Variants in PRAMEF4 observed in about 807,000 individuals in gnomAD.
PRAMEF4 encodes PRAME family member 4, also known as RP5-845O24.6.
In PRAMEF4, 18 loss-of-function variants were observed where a neutral mutation model predicts 34.4. The observed-to-expected ratio is 0.52, with a 90% confidence interval of 0.36 to 0.78. PRAMEF4 has a LOEUF of 0.78. Ranked by LOEUF, PRAMEF4 falls within the 30% of genes least tolerant of loss-of-function variation. The pLI, the probability that PRAMEF4 is intolerant of heterozygous loss-of-function variation, is 0.00. For synonymous variants in PRAMEF4, 156 were observed against 219.3 expected (o/e 0.71, Z 2.55); for missense variants, 482 against 569.1 (o/e 0.85, Z 1.56).
Position 12,885,473 on chromosome 1 carries a change from C to T in PRAMEF4, c.-17+674G>A, listed in dbSNP as rs573985807. ...CTTCTGGGCTCAAGTGATTCTCCCA[C>T]ACCAGCCACCCAAATAGCTGGGACT... On this transcript the variant is annotated intron_variant, in intron 1 of 3. Coordinates refer to ENST00000235349, the MANE Select transcript of PRAMEF4 (RefSeq NM_001009611.4). 1.1e-4 allele frequency among the ~76,000 whole-genome samples: 17 copies of T among 148,158 alleles called. 2 individuals are homozygous for T. Among genetic ancestry groups the T allele is most frequent in the African/African-American group, 3.3e-4 (13 of 38,964 alleles).
chr1:12,883,230 C>G lies in PRAMEF4; in HGVS notation c.165G>C (p.Lys55Asn), dbSNP rs764930658. The G allele has an allele frequency of 1.3e-6, 2 of 1,599,250 alleles. No individual in the cohort carries two copies. Among genetic ancestry groups the G allele is most frequent in the Non-Finnish European group, 1.7e-6 (2 of 1,173,116 alleles). ...GGAAGGGCCAGGACTGCACCATCAGCTTCAGGGCCTCACAGCGTCTCCTGC... is the reference window on the plus strand; with the variant it reads ...GGAAGGGCCAGGACTGCACCATCAGGTTCAGGGCCTCACAGCGTCTCCTGC... Reference protein sequence around the residue: ...AFSRRRCEALKLMVQSWPFRR... With the variant: ...AFSRRRCEALNLMVQSWPFRR... Residue 55 changes from lysine to asparagine, a missense_variant, in exon 2 of 4, where the codon AAG (lysine) becomes AAC (asparagine). Coordinates refer to ENST00000235349, the MANE Select transcript of PRAMEF4 (RefSeq NM_001009611.4).
At chr1:12,882,535 CCTCT>C in intron 2 of PRAMEF4, 100 bp from the exon 3 acceptor site, 1 of 1,512,534 alleles carries the variant, frequency 6.6e-7, no homozygotes, top group Non-Finnish European at 8.9e-7. Flanking sequence ...GCTTCTTGTC[CCTCT>C]CTCTGACTTT....
chr1:12,885,345 A>T (rs1167837411), intron 1 of PRAMEF4, among the ~76,000 whole-genome samples: 1 of 149,076 alleles, frequency 6.7e-6, no homozygotes, highest in African/African-American at 2.5e-5. Context: ...AAGGTCAAAG[A>T]TCCTTTTTGA....
intron 1 of PRAMEF4, among the ~76,000 whole-genome samples, chr1:12,885,757 T>A (rs1036268279): frequency 6.8e-6 from 1 of 146,912 alleles, no homozygotes; most frequent in Non-Finnish European, 1.5e-5. Flanking sequence ...TGCACTCCAG[T>A]CTGGGCAACA....
chr1:12,885,696 A>C (rs1640988369), intron 1 of PRAMEF4, among the ~76,000 whole-genome samples: 1 of 146,580 alleles, frequency 6.8e-6, no homozygotes, highest in Non-Finnish European at 1.5e-5. Flanking sequence ...GAGGCATGAG[A>C]ATTGCTTGAA....
At position 12,883,074 on chromosome 1, in the gene PRAMEF4, C is replaced by A. The variant is rs370198268; in HGVS notation, c.293+28G>T. The A allele has an allele frequency of 9.4e-6, 15 of 1,599,246 alleles. 1 individual carries two copies. The highest frequency in any genetic ancestry group is 1.2e-5 in the Non-Finnish European group (14 of 1,173,580). On this transcript the variant is annotated intron_variant, in intron 2 of 3. Transcript: ENST00000235349. ...TCCTTCAGTTGGACACCTGGGCCCTCCCCACCAGCCCACCTGGGCCACCTC... is the reference window on the plus strand; with the variant it reads ...TCCTTCAGTTGGACACCTGGGCCCTACCCACCAGCCCACCTGGGCCACCTC...
Position 12,885,710 on chromosome 1 carries a change from G to A in PRAMEF4, c.-17+437C>T, listed in dbSNP as rs12065954. 1.6e-4 allele frequency among the ~76,000 whole-genome samples: 24 copies of A among 146,480 alleles called. 5 individuals carry two copies. The highest frequency in any genetic ancestry group is 1.6e-3 in the Admixed American group (22 of 14,088). On this transcript the variant is annotated intron_variant, in intron 1 of 3. Transcript: ENST00000235349. ...TGAGGCATGAGAATTGCTTGAACCC[G>A]GGAAGTAAAGGTTGCAGGGAGTTGA...
intron 1 of PRAMEF4, among the ~76,000 whole-genome samples, chr1:12,885,102 TGTATCCGATGATCACCTGG>T (rs1372995981): frequency 6.6e-5 from 10 of 150,964 alleles, no homozygotes; most frequent in African/African-American, 2.2e-4. Context: ...GAAATCTTCA[TGTATCCGATGATCACCTGG>T]GTCATATAAT....
chr1:12,884,812 A>G (rs1180273537), intron 1 of PRAMEF4, among the ~76,000 whole-genome samples: 1 of 150,012 alleles, frequency 6.7e-6, no homozygotes, highest in East Asian at 1.9e-4. Flanking sequence ...ATCGAATTAG[A>G]TATTGATCCA....
chr1:12,880,476 T>G (rs1256539451), intron 3 of PRAMEF4, among the ~76,000 whole-genome samples: 1 of 150,116 alleles, frequency 6.7e-6, no homozygotes, highest in Non-Finnish European at 1.5e-5. Context: ...CTTGGGAAGC[T>G]GAGGCAGAAG....
chr1:12,882,995 T>C (rs1282406428), intron 2 of PRAMEF4, 107 bp downstream of exon 2: 2 of 1,508,134 alleles, frequency 1.3e-6, no homozygotes, highest in Non-Finnish European at 1.8e-6. Flanking sequence ...TCCTCTCGGC[T>C]TCCTCACCAC....
At chr1:12,885,661 A>T (rs541075318) in intron 1 of PRAMEF4, among the ~76,000 whole-genome samples, 1 of 145,676 alleles carries the variant, frequency 6.9e-6, no homozygotes, top group African/African-American at 2.6e-5. Context: ...GATGTCTGTG[A>T]CACCAGCTTC....
chr1:12,879,276 A>C lies in PRAMEF4; in HGVS notation c.*268T>G. ...CCATCCATGCAAGAGTAACTCCCTC[A>C]TGTATTCTCAAGCCTGAATTCCACT... is the stretch of plus-strand genomic sequence containing the variant. On this transcript the variant is annotated 3_prime_UTR_variant, in exon 4 of 4. Coordinates refer to ENST00000235349, the MANE Select transcript of PRAMEF4 (RefSeq NM_001009611.4). 1.9e-6 allele frequency: 1 copy of C among 537,418 alleles called. No homozygotes were observed. Among genetic ancestry groups the C allele is most frequent in the East Asian group, 3.0e-5 (1 of 33,666 alleles). The allele number at this position is 537,418 out of a possible 1,614,324, so 33.3% of individuals were successfully genotyped here. A position where few individuals can be genotyped will look rare whatever the true frequency, so the allele number is the denominator to read the frequency against.
chr1:12,882,015 T>A lies in PRAMEF4; in HGVS notation c.714A>T (p.Lys238Asn). ...PYLGHMRNLQ[K>N]LILSHMDVSR... The stretch of plus-strand genomic sequence containing the variant: ...AGACATCCATGTGGGAGAGAATGAG[T>A]TTCTGAAGATTCCTCATGTGGCCCA... The change falls in exon 3 of 4, where the codon AAA (lysine) becomes AAT (asparagine). Residue 238 changes from lysine (K) to asparagine (N), a missense_variant. Coordinates refer to ENST00000235349, the MANE Select transcript of PRAMEF4 (RefSeq NM_001009611.4). 3.1e-6 allele frequency: 5 copies of A among 1,590,288 alleles called. 1 individual carries two copies. The highest frequency in any genetic ancestry group is 3.5e-5 in the Admixed American group (2 of 57,370).
rs1557640328 is a variant in PRAMEF4 at position 12,882,216 on chromosome 1, TAGA to T, written c.510_512del (p.Leu171del). ...GTAAATCTTTCCTCTGCTTGACCCATAGAAGGAGGCAGGTGAGGTATTCATCCA... is the reference window on the plus strand; with the variant it reads ...GTAAATCTTTCCTCTGCTTGACCCATAGGAGGCAGGTGAGGTATTCATCCA... On this transcript the variant is annotated inframe_deletion, in exon 3 of 4. Transcript: ENST00000235349. The T allele has an allele frequency of 6.4e-7, 1 of 1,559,538 alleles. No homozygotes were observed. Among genetic ancestry groups the T allele is most frequent in the Non-Finnish European group, 8.7e-7 (1 of 1,145,786 alleles).
At position 12,880,057 on chromosome 1, in the gene PRAMEF4, A is replaced by C. The variant is rs770588677; in HGVS notation, c.924T>G (p.Leu308=). 6 of 1,551,836 alleles carry C rather than the reference A, an allele frequency of 3.9e-6. 1 individual carries two copies. In the South Asian group the frequency reaches 5.6e-5, roughly 15 times the overall value. ...LKFLTITNCV[L]LESDLKHLSQ... The stretch of plus-strand genomic sequence containing the variant: ...ATAGATGCTTCAAGTCTGATTCCAA[A>C]AGCACACAGTTAGTTATTGTGAGGA... The change falls in exon 4 of 4, where the codon CTT becomes CTG. Residue 308 remains leucine, a synonymous_variant. Transcript: ENST00000235349.
Position 12,883,200 on chromosome 1 carries a change from G to A in PRAMEF4, c.195C>T (p.Arg65=). 2 of 1,599,578 alleles carry A rather than the reference G, an allele frequency of 1.3e-6. No individual in the cohort carries two copies. Among genetic ancestry groups the A allele is most frequent in the African/African-American group, 1.4e-5 (1 of 73,106 alleles). The change falls in exon 2 of 4, where the codon CGC becomes CGT. Residue 65 remains arginine (R), a synonymous_variant. Coordinates refer to ENST00000235349, the MANE Select transcript of PRAMEF4 (RefSeq NM_001009611.4). ...TCTTTATCAGAGGCCTCAGAGGGAGGCGGCGGAAGGGCCAGGACTGCACCA... is the reference window on the plus strand; with the variant it reads ...TCTTTATCAGAGGCCTCAGAGGGAGACGGCGGAAGGGCCAGGACTGCACCA... ...KLMVQSWPFR[R]LPLRPLIKMP...
chr1:12,881,235 T>C (rs1031503645), intron 3 of PRAMEF4, among the ~76,000 whole-genome samples: 6 of 147,432 alleles, frequency 4.1e-5, no homozygotes, highest in East Asian at 2.0e-4. Context: ...GTGTGGTGGC[T>C]CACGCCTGTA....
At chr1:12,882,671 A>G (rs1569882223) in intron 2 of PRAMEF4, among the ~76,000 whole-genome samples, 2 of 147,222 alleles carry the variant, frequency 1.4e-5, no homozygotes, top group Admixed American at 1.4e-4. Flanking sequence ...CCTCACTGCA[A>G]CCTCTGCTTC....
Sources: allele counts gnomAD v4.1 joint callset (sites outside exome capture counted in the v4.1 genomes callset), GRCh38; gene constraint gnomAD v4.1.1; transcripts MANE v1.5; gene names NCBI Gene and HGNC (gene_info 2026-07-23, HGNC 2026-07-21).